SLC29A4: variants seen among roughly 807,000 people sequenced by gnomAD.
The protein encoded by SLC29A4 is equilibrative nucleoside transporter 4.
A neutral mutation model predicts 43.9 loss-of-function variants in SLC29A4; 36 were observed. That is an observed-to-expected ratio of 0.82 (90% CI 0.63 to 1.08). The LOEUF (loss-of-function observed/expected upper bound fraction) is 1.08. Among genes scored for constraint, SLC29A4 ranks in the 50% least tolerant of loss-of-function variants. The pLI is 0.00. For missense variants in SLC29A4, 869 were observed against 755.3 expected, an observed-to-expected ratio of 1.15 and a Z score of -1.77; for synonymous variants, 491 against 338.0, an observed-to-expected ratio of 1.45 and a Z score of -4.97.
chr7:5,288,270 ATGGCTCAT>A (rs1785086201), intron 2 of SLC29A4, among the ~76,000 whole-genome samples: 1 of 141,888 alleles, frequency 7.0e-6, no homozygotes, highest in Non-Finnish European at 1.5e-5. Flanking sequence ...TGAAGGGACC[ATGGCTCAT>A]GCGCTGACCC....
At chr7:5,285,430 G>A (rs1324200510) in intron 1 of SLC29A4, among the ~76,000 whole-genome samples, 1 of 152,222 alleles carries the variant, frequency 6.6e-6, no homozygotes, top group Non-Finnish European at 1.5e-5. Context: ...ACCTGCGTTG[G>A]CCCCCAGCTG....
At chr7:5,301,908 C>T (rs1786193601) in intron 10 of SLC29A4, among the ~76,000 whole-genome samples, 3 of 152,092 alleles carry the variant, frequency 2.0e-5, no homozygotes, top group African/African-American at 4.8e-5. Flanking sequence ...ATGGGACATC[C>T]CAAATTGTTC....
intron 1 of SLC29A4, among the ~76,000 whole-genome samples, chr7:5,284,399 TCTA>T: frequency 6.6e-6 from 1 of 152,062 alleles, no homozygotes; most frequent in Non-Finnish European, 1.5e-5. Flanking sequence ...CTCTTCTTCC[TCTA>T]CTGAGTTGTG....
Position 5,287,417 on chromosome 7 carries a change from GAAAA to G in SLC29A4, c.-8-380_-8-377del, listed in dbSNP as rs199755250. Among the ~76,000 whole-genome samples the G allele has an allele frequency of 7.7e-3, 940 of 121,498 alleles. 13 individuals carry two copies. Among genetic ancestry groups the G allele is most frequent in the African/African-American group, 0.026 (887 of 33,856 alleles). The allele number at this position is 121,498 out of a possible 152,430, so 79.7% of individuals were successfully genotyped here. ...TGGGTGACAGAGTGAGACCCTGTCT[GAAAA>G]AAAAAAAAAAAGAAAAAAAAGACAT... is the stretch of plus-strand genomic sequence containing the variant. On this transcript the variant is annotated intron_variant, in intron 1 of 10. Transcript: ENST00000396872.
chr7:5,284,949 T>G (rs575398461), intron 1 of SLC29A4, among the ~76,000 whole-genome samples: 1 of 152,288 alleles, frequency 6.6e-6, no homozygotes, highest in Admixed American at 6.5e-5. Flanking sequence ...TTGGGGGCTC[T>G]TGCTGAACAC....
At chr7:5,295,349 A>C (rs553030026) in intron 6 of SLC29A4, among the ~76,000 whole-genome samples, 1 of 152,274 alleles carries the variant, frequency 6.6e-6, no homozygotes, top group South Asian at 2.1e-4. Flanking sequence ...CGGACACACA[A>C]GCCACCCCCT....
At chr7:5,293,251 A>C (rs1583661405) in intron 5 of SLC29A4, among the ~76,000 whole-genome samples, 1 of 145,256 alleles carries the variant, frequency 6.9e-6, no homozygotes, top group Admixed American at 7.2e-5. Flanking sequence ...AGCTCACTGC[A>C]ACCTCCGTCT....
intron 5 of SLC29A4, among the ~76,000 whole-genome samples, chr7:5,292,249 C>A (rs189947016): frequency 6.6e-6 from 1 of 152,046 alleles, no homozygotes; most frequent in African/African-American, 2.4e-5. Flanking sequence ...TAGCTAGGAC[C>A]TCAGGCACAT....
In SLC29A4 at chr7:5,287,914, T is replaced by A; in HGVS notation, c.98T>A (p.Leu33Gln). 1 of 1,612,024 alleles carries A rather than the reference T, an allele frequency of 6.2e-7. No homozygotes were observed. The highest frequency in any genetic ancestry group is 8.5e-7 in the Non-Finnish European group (1 of 1,179,790). The change falls in exon 2 of 11, where the codon CTG becomes CAG. Residue 33 changes from leucine (L) to glutamine (Q), a missense_variant. Leu to Gln is a moderately radical substitution (Grantham distance 113). Coordinates refer to ENST00000396872, the MANE Select transcript of SLC29A4 (RefSeq NM_153247.4). ...VMSFTFDSHQLEEAAEAAQGQ... is the reference protein window; with the variant it reads ...VMSFTFDSHQQEEAAEAAQGQ... ...AGCTTCACCTTCGACAGTCACCAGC[T>A]GGAGGAGGCGGCGGAGGCGGCTCAG...
chr7:5,298,527 C>T (rs1356047503), intron 7 of SLC29A4, among the ~76,000 whole-genome samples: 3 of 152,102 alleles, frequency 2.0e-5, no homozygotes, highest in African/African-American at 7.2e-5. Context: ...CGCAGTGGCT[C>T]ACACCTGCAA....
In SLC29A4 at chr7:5,297,008, C is replaced by T. The variant is rs1267228610; in HGVS notation, c.692C>T (p.Thr231Met). 6 of 1,605,176 alleles carry T rather than the reference C, an allele frequency of 3.7e-6. No homozygotes were observed. The highest frequency in any genetic ancestry group is 4.2e-6 in the Non-Finnish European group (5 of 1,179,600). ...CTGCTGCCCGACGAGCGCGCCAGCA[C>T]GCTCATCTTCTTCCTGGTGTCGGTG... Reference protein sequence around the residue: ...KLLLPDERASTLIFFLVSVAL... With the variant: ...KLLLPDERASMLIFFLVSVAL... The change falls in exon 7 of 11, where the codon ACG becomes ATG. Residue 231 changes from threonine to methionine, a missense_variant. Physicochemically the swap from Thr to Met is moderately conservative, Grantham distance 81. Coordinates refer to ENST00000396872, the MANE Select transcript of SLC29A4 (RefSeq NM_153247.4).
chr7:5,300,747 G>T, intron 10 of SLC29A4, 85 bp downstream of exon 10: 1 of 1,530,294 alleles, frequency 6.5e-7, no homozygotes, highest in Non-Finnish European at 8.7e-7. Flanking sequence ...TAGACCGCAG[G>T]AAGGTGCATT....
chr7:5,290,211 GC>G (rs2128087716), intron 2 of SLC29A4, among the ~76,000 whole-genome samples: 1 of 152,266 alleles, frequency 6.6e-6, no homozygotes, highest in Non-Finnish European at 1.5e-5. Flanking sequence ...CCACTACCAT[GC>G]CTGGCTAATT....
chr7:5,306,839 CACAGAATTTGCCA>C lies in SLC29A4; in HGVS notation c.*3904_*3916del, dbSNP rs1358671630. 1 of 151,060 alleles carries C rather than the reference CACAGAATTTGCCA, an allele frequency of 6.6e-6. No homozygotes were observed. Among genetic ancestry groups the C allele is most frequent in the Admixed American group, 6.6e-5 (1 of 15,170 alleles). The allele number at this position is 151,060 out of a possible 1,614,324, so 9.4% of individuals were successfully genotyped here. A position where few individuals can be genotyped will look rare whatever the true frequency, so the allele number is the denominator to read the frequency against. On this transcript the variant is annotated 3_prime_UTR_variant, in exon 11 of 11. Transcript: ENST00000396872. The stretch of plus-strand genomic sequence containing the variant: ...TCTTTTTTTTTATGAAAAAAGATCA[CACAGAATTTGCCA>C]ACAAACAAAATTCCAAAAGAAACAT...
chr7:5,283,279 G>A (rs1784760511), intron 1 of SLC29A4, among the ~76,000 whole-genome samples, 197 bp downstream of exon 1: 1 of 150,336 alleles, frequency 6.7e-6, no homozygotes, highest in Non-Finnish European at 1.5e-5. Context: ...CCGGCGACAA[G>A]CGCGGACCCG....
Position 5,299,388 on chromosome 7 carries a change from C to A in SLC29A4, c.1170C>A (p.Leu390=). 6.2e-7 allele frequency: 1 copy of A among 1,612,358 alleles called. No individual in the cohort carries two copies. Among genetic ancestry groups the A allele is most frequent in the Admixed American group, 1.7e-5 (1 of 60,006 alleles). ...TCCTGGGCGAGTGGCTGCCCATCCT[C>A]ATCATGGCTGTGTTCAACCTGTCAG... The part of the protein sequence containing the change: ...HCILGEWLPI[L]IMAVFNLSDF... Residue 390 remains leucine (L), a synonymous_variant, in exon 9 of 11, where the codon CTC becomes CTA. Coordinates refer to ENST00000396872, the MANE Select transcript of SLC29A4 (RefSeq NM_153247.4).
At position 5,287,941 on chromosome 7, in the gene SLC29A4, G is replaced by C; in HGVS notation, c.125G>C (p.Gly42Ala). ...QLEEAAEAAQ[G>A]QGLRARGVPA... is the part of the protein sequence containing the mutation. Reference sequence around the variant, plus strand: ...GAGGAGGCGGCGGAGGCGGCTCAGGGCCAGGGCCTTAGGGCCAGGGGCGTC... The same window carrying C: ...GAGGAGGCGGCGGAGGCGGCTCAGGCCCAGGGCCTTAGGGCCAGGGGCGTC... Residue 42 changes from glycine to alanine, a missense_variant, in exon 2 of 11, where the codon GGC becomes GCC. Transcript: ENST00000396872. The C allele has an allele frequency of 1.2e-6, 2 of 1,611,554 alleles. No individual in the cohort carries two copies. Among genetic ancestry groups the C allele is most frequent in the Non-Finnish European group, 1.7e-6 (2 of 1,179,658 alleles).
At chr7:5,288,108 T>C (rs534125882) in intron 2 of SLC29A4, 123 bp downstream of exon 2, 2 of 1,264,774 alleles carry the variant, frequency 1.6e-6, no homozygotes, top group East Asian at 5.1e-5. Context: ...AGGCAGTGCC[T>C]GTCAGTGTGG....
Position 5,302,945 on chromosome 7 carries a change from C to T in SLC29A4, c.*6C>T, listed in dbSNP as rs1438890387. ...CCATCCTCGCAGGCCTCTGAGCCAG[C>T]CCCGCCCACTGCCAGGGACGCCGAG... On this transcript the variant is annotated 3_prime_UTR_variant, in exon 11 of 11. Transcript: ENST00000396872. 1.9e-6 allele frequency: 3 copies of T among 1,604,104 alleles called. No homozygotes were observed. Among genetic ancestry groups the T allele is most frequent in the Non-Finnish European group, 2.5e-6 (3 of 1,176,672 alleles).
Sources: allele counts gnomAD v4.1 joint callset (sites outside exome capture counted in the v4.1 genomes callset), GRCh38; gene constraint gnomAD v4.1.1; transcripts MANE v1.5; gene names NCBI Gene and HGNC (gene_info 2026-07-23, HGNC 2026-07-21).